EFHD1: variants seen among roughly 807,000 people sequenced by gnomAD.
EFHD1 encodes the protein EF-hand domain-containing protein D1.
EFHD1 carries 10 observed loss-of-function variants against 17.2 expected under a neutral mutation model. The observed-to-expected ratio is 0.58, with a 90% CI of 0.36 to 0.99. The LOEUF is 0.99. Ranked by LOEUF, EFHD1 falls within the 50% of genes least tolerant of loss-of-function variation. The pLI is 0.01. For synonymous variants in EFHD1, 153 were observed against 142.0 expected (o/e 1.08, Z -0.55); for missense variants, 310 against 327.5 (o/e 0.95, Z 0.41).
intron 1 of EFHD1, among the ~76,000 whole-genome samples, chr2:232,643,126 A>G (rs1694462979): frequency 6.6e-6 from 1 of 152,122 alleles, no homozygotes; most frequent in African/African-American, 2.4e-5. Context: ...GACAAAATCC[A>G]GAGGCAGGAA....
chr2:232,643,479 C>G (rs900582720), intron 1 of EFHD1, among the ~76,000 whole-genome samples: 1 of 151,906 alleles, frequency 6.6e-6, no homozygotes, highest in African/African-American at 2.4e-5. Context: ...ACGATCATGG[C>G]TCACTGCAGC....
chr2:232,645,842 T>G (rs1169145776), intron 1 of EFHD1, among the ~76,000 whole-genome samples: 1 of 152,226 alleles, frequency 6.6e-6, no homozygotes, highest in Non-Finnish European at 1.5e-5. Flanking sequence ...ACACACCTTG[T>G]AAGCGGTAGA....
chr2:232,606,455 C>G (rs1693714427), intron 1 of EFHD1: 1 of 566,624 alleles, frequency 1.8e-6, no homozygotes, highest in African/African-American at 1.9e-5. Context: ...TCCCCATCGT[C>G]CTCCCCTGGA....
intron 1 of EFHD1, among the ~76,000 whole-genome samples, chr2:232,611,025 T>TTA (rs1211198723): frequency 6.6e-6 from 1 of 152,010 alleles, no homozygotes; most frequent in African/African-American, 2.4e-5. Flanking sequence ...AATTTTATTT[T>TTA]TACTTAGCCA....
At chr2:232,667,449 C>T (rs770883639) in intron 2 of EFHD1, among the ~76,000 whole-genome samples, 4 of 152,182 alleles carry the variant, frequency 2.6e-5, no homozygotes, top group Non-Finnish European at 5.9e-5. Context: ...GTCCTAAGAG[C>T]TTTGCCTCTC....
upstream of EFHD1, chr2:232,633,557 A>T: frequency 7.8e-7 from 1 of 1,283,958 alleles, no homozygotes; most frequent in Non-Finnish European, 9.8e-7. Context: ...CCCGCCCGCC[A>T]GTCCGTCCTC....
chr2:232,655,041 C>T (rs1362006434), intron 1 of EFHD1, among the ~76,000 whole-genome samples: 1 of 152,172 alleles, frequency 6.6e-6, no homozygotes, highest in African/African-American at 2.4e-5. Flanking sequence ...TGTTCATGTC[C>T]CAAATGATTG....
At chr2:232,668,628 ATTT>A (rs1159581478) in intron 2 of EFHD1, among the ~76,000 whole-genome samples, 1 of 151,814 alleles carries the variant, frequency 6.6e-6, no homozygotes. Flanking sequence ...TTGTTTTATT[ATTT>A]TATTATTTAT....
chr2:232,677,207 TAC>T (rs61607311), intron 3 of EFHD1, among the ~76,000 whole-genome samples: 7,498 of 131,236 alleles, frequency 0.057, 274 homozygotes, highest in Non-Finnish European at 0.083. Flanking sequence ...ACCCCATCTC[TAC>T]ACACACACAC....
At chr2:232,654,618 G>T (rs943195681) in intron 1 of EFHD1, among the ~76,000 whole-genome samples, 3 of 152,038 alleles carry the variant, frequency 2.0e-5, no homozygotes, top group African/African-American at 7.2e-5. Context: ...AGTAGAGACA[G>T]GGTTTCGCCA....
chr2:232,664,639 A>C (rs1477367813), intron 2 of EFHD1, among the ~76,000 whole-genome samples: 2 of 100,730 alleles, frequency 2.0e-5, no homozygotes, highest in Non-Finnish European at 3.7e-5. Context: ...TTTGAGATGG[A>C]GACTCGCTCT....
At chr2:232,647,905 G>A (rs1206044845) in intron 1 of EFHD1, among the ~76,000 whole-genome samples, 2 of 152,056 alleles carry the variant, frequency 1.3e-5, no homozygotes, top group East Asian at 3.9e-4. Context: ...CCTAAGTGCT[G>A]GGATTACAGG....
intron 1 of EFHD1, among the ~76,000 whole-genome samples, chr2:232,622,724 G>C (rs966625211): frequency 6.6e-6 from 1 of 152,124 alleles, no homozygotes; most frequent in African/African-American, 2.4e-5. Context: ...GGCAGCAGCT[G>C]CTCCGGTTTG....
At position 232,679,798 on chromosome 2, in the gene EFHD1, G is replaced by A. The variant is rs142490140; in HGVS notation, c.586-1787G>A. Reference sequence around the variant, plus strand: ...AAACGTGGGCAAAGGATATAAATGGGCAATTTACAAAAGAGGAAATAAAAG... The same window carrying A: ...AAACGTGGGCAAAGGATATAAATGGACAATTTACAAAAGAGGAAATAAAAG... On this transcript the variant is annotated intron_variant, in intron 3 of 3. Transcript: ENST00000264059. Among the ~76,000 whole-genome samples the A allele has an allele frequency of 1.3e-3, 191 of 151,456 alleles. 1 individual carries two copies. The highest frequency in any genetic ancestry group is 4.4e-3 in the African/African-American group (183 of 41,342).
At chr2:232,635,573 C>T (rs1694303651) in intron 1 of EFHD1, among the ~76,000 whole-genome samples, 2 of 152,294 alleles carry the variant, frequency 1.3e-5, no homozygotes, top group South Asian at 2.1e-4. Context: ...AATCCCAGCA[C>T]TCTGGGAGGA....
chr2:232,611,583 C>T (rs752929723), intron 1 of EFHD1: 6 of 152,274 alleles, frequency 3.9e-5, no homozygotes, highest in Non-Finnish European at 7.3e-5. Flanking sequence ...CAGCTCCCTC[C>T]CCCGGGGCAG....
intron 2 of EFHD1, among the ~76,000 whole-genome samples, chr2:232,664,078 C>T (rs1275053875): frequency 3.3e-5 from 5 of 152,056 alleles, no homozygotes; most frequent in Non-Finnish European, 7.3e-5. Context: ...AGTCGTGAGC[C>T]ACCTTGCCCA....
chr2:232,651,748 G>C (rs955459767), intron 1 of EFHD1, among the ~76,000 whole-genome samples: 1 of 152,222 alleles, frequency 6.6e-6, no homozygotes, highest in Non-Finnish European at 1.5e-5. Flanking sequence ...CTTGAACCCC[G>C]AAGGCGGATG....
chr2:232,675,991 C>G (rs1301317334), intron 3 of EFHD1, among the ~76,000 whole-genome samples: 2 of 152,106 alleles, frequency 1.3e-5, no homozygotes, highest in Non-Finnish European at 2.9e-5. Flanking sequence ...GCCTGGCCAA[C>G]ATGGTGAAAC....
Sources: allele counts gnomAD v4.1 joint callset (sites outside exome capture counted in the v4.1 genomes callset), GRCh38; gene constraint gnomAD v4.1.1; transcripts MANE v1.5; gene names NCBI Gene and HGNC (gene_info 2026-07-23, HGNC 2026-07-21).